The following GRIP2 variants were observed in gnomAD, a reference collection of about 807,000 sequenced individuals.
GRIP2 encodes the protein glutamate receptor interacting protein 2.
GRIP2 carries 58 observed loss-of-function variants against 108.3 expected under a neutral mutation model. The observed-to-expected ratio is 0.54, with a 90% CI of 0.43 to 0.67. The LOEUF (loss-of-function observed/expected upper bound fraction) is 0.67. GRIP2 is among the 30% of genes least tolerant of loss of function. The probability of loss-of-function intolerance (pLI) is 0.00; values close to 1 mark genes in which losing one functional copy is unlikely to be tolerated. For synonymous variants in GRIP2, 586 were observed against 598.2 expected (o/e 0.98, Z 0.30); for missense variants, 1,278 against 1,430.6 (o/e 0.89, Z 1.72).
At chr3:14,540,931 C>T (rs1230876897), upstream of GRIP2, among the ~76,000 whole-genome samples, 1 of 152,200 alleles carries the variant, frequency 6.6e-6, no homozygotes, top group African/African-American at 2.4e-5. This position sits in a 1 kb window ranked among gnomAD's most constrained non-coding sequence, Gnocchi z 4.1. Flanking sequence ...GAAAGATGAA[C>T]CCGGCAGCCT....
At position 14,509,796 on chromosome 3, in the gene GRIP2, C is replaced by A. The variant is rs370108204; in HGVS notation, c.2078+24G>T. 4 of 1,430,754 alleles carry A rather than the reference C, an allele frequency of 2.8e-6. No individual in the cohort carries two copies. The Admixed American group carries it at 8.1e-5, about 29-fold the overall frequency. 88.6% of individuals were successfully genotyped at this position (1,430,754 alleles called of 1,614,324 possible). On this transcript the variant is annotated intron_variant, in intron 17 of 23. Transcript: ENST00000621039. ...TCCTGTGTTCCCTGAGCCCACCATG[C>A]GTCCCCACAGAGCCCCAGTTCACCT...
At position 14,509,925 on chromosome 3, in the gene GRIP2, T is replaced by C; in HGVS notation, c.1973A>G (p.Glu658Gly). 7 of 1,552,694 alleles carry C rather than the reference T, an allele frequency of 4.5e-6. No individual in the cohort carries two copies. Among genetic ancestry groups the C allele is most frequent in the Non-Finnish European group, 6.1e-6 (7 of 1,148,590 alleles). The change falls in exon 17 of 24, where the codon GAG becomes GGG. Residue 658 changes from glutamate (E) to glycine (G), a missense_variant. Coordinates refer to ENST00000621039, the MANE Select transcript of GRIP2 (RefSeq NM_001080423.4). ...CAGGGGACCCCCGTAGCGCTTCAGC[T>C]CCACTGTGTAACTGACGGCACCTGT... ...ETTGAVSYTV[E>G]LKRYGGPLGI... is the part of the protein sequence containing the mutation.
At chr3:14,600,223 T>C in the GRIP2 span, among the ~76,000 whole-genome samples, 1 of 152,152 alleles carries the variant, frequency 6.6e-6, no homozygotes, top group African/African-American at 2.4e-5. Flanking sequence ...ATGCATCAGA[T>C]CATTTCTCCA....
chr3:14,524,269 C>T, intron 4 of GRIP2, 124 bp downstream of exon 4: 1 of 1,148,176 alleles, frequency 8.7e-7, no homozygotes, highest in South Asian at 1.6e-5. Context: ...ATGCTTGTGG[C>T]CAGTCTCCAG....
At chr3:14,518,033 T>C (rs986204414) in intron 9 of GRIP2, 136 bp from the exon 10 acceptor site, 3 of 1,046,512 alleles carry the variant, frequency 2.9e-6, no homozygotes, top group African/African-American at 1.6e-5. Context: ...TCTGCTCACA[T>C]GTCCCGGACG....
chr3:14,524,136 C>T, intron 4 of GRIP2: 1 of 560,760 alleles, frequency 1.8e-6, no homozygotes, highest in Non-Finnish European at 3.2e-6. Flanking sequence ...CTTCCAAAAC[C>T]CTCCCCGCTA....
In GRIP2 at chr3:14,523,654, A is replaced by G. The variant is rs376677264; in HGVS notation, c.448T>C (p.Ser150Pro). 52 of 1,612,364 alleles carry G rather than the reference A, an allele frequency of 3.2e-5. No homozygotes were observed. The African/African-American group carries it at 6.4e-4, about 20-fold the overall frequency. The change falls in exon 5 of 24, where the codon TCC becomes CCC. Residue 150 changes from serine to proline, a missense_variant. Ser to Pro is a moderately conservative substitution (Grantham distance 74). Transcript: ENST00000621039. ...PRIISKTVDV[S>P]LYKEGNSFGF... The stretch of plus-strand genomic sequence containing the variant: ...AAGCTATTGCCCTCCTTGTAGAGGG[A>G]GACGTCCACTGTCTTTGAAATGATC...
intron 11 of GRIP2, among the ~76,000 whole-genome samples, chr3:14,516,114 C>T (rs1007551083): frequency 6.6e-6 from 1 of 152,162 alleles, no homozygotes; most frequent in African/African-American, 2.4e-5. Flanking sequence ...CTCCACATCC[C>T]CCACCTACGA....
chr3:14,523,649 G>C lies in GRIP2; in HGVS notation c.453C>G (p.Leu151=), dbSNP rs1422294445. 1.2e-6 allele frequency: 2 copies of C among 1,612,448 alleles called. No homozygotes were observed. The highest frequency in any genetic ancestry group is 1.7e-6 in the Non-Finnish European group (2 of 1,179,322). The change falls in exon 5 of 24, where the codon CTC becomes CTG. Residue 151 remains leucine, a synonymous_variant. Transcript: ENST00000621039. ...RIISKTVDVS[L]YKEGNSFGFV... ...AGCCAAAGCTATTGCCCTCCTTGTA[G>C]AGGGAGACGTCCACTGTCTTTGAAA... is the stretch of plus-strand genomic sequence containing the variant.
the GRIP2 span, among the ~76,000 whole-genome samples, chr3:14,590,572 T>G: frequency 6.6e-6 from 1 of 152,210 alleles, no homozygotes; most frequent in Non-Finnish European, 1.5e-5. Context: ...GCTGAGCAAA[T>G]GCTCCTAACA....
chr3:14,519,957 G>T, intron 9 of GRIP2, 153 bp downstream of exon 9: 1 of 755,034 alleles, frequency 1.3e-6, no homozygotes, highest in Non-Finnish European at 2.1e-6. Flanking sequence ...CTCAGTTGCT[G>T]CTCTTAATAA....
the GRIP2 span, among the ~76,000 whole-genome samples, chr3:14,600,784 C>T: frequency 1.6e-4 from 24 of 152,144 alleles, no homozygotes; most frequent in African/African-American, 3.4e-4. Context: ...CCTGCCAGCG[C>T]GGGTGGATAC....
chr3:14,496,311 G>A lies in GRIP2; in HGVS notation c.2823+106C>T, dbSNP rs62233584. On this transcript the variant is annotated intron_variant, in intron 22 of 23. Coordinates refer to ENST00000621039, the MANE Select transcript of GRIP2 (RefSeq NM_001080423.4). ...AAACTCAACCCAGTTTTGTGGTGGAGGAGACTAAAGCCCTGAGAGGGGCAG... is the reference window on the plus strand; with the variant it reads ...AAACTCAACCCAGTTTTGTGGTGGAAGAGACTAAAGCCCTGAGAGGGGCAG... The A allele has an allele frequency of 2.9e-3, 2,697 of 942,466 alleles. 5 individuals carry two copies. Among genetic ancestry groups the A allele is most frequent in the Non-Finnish European group, 3.5e-3 (2,297 of 649,858 alleles). 58.4% of individuals were successfully genotyped at this position (942,466 alleles called of 1,614,324 possible). A position where few individuals can be genotyped will look rare whatever the true frequency, so the allele number is the denominator to read the frequency against.
chr3:14,536,027 T>C (rs904023058), intron 1 of GRIP2, among the ~76,000 whole-genome samples: 3 of 152,126 alleles, frequency 2.0e-5, no homozygotes, highest in South Asian at 2.1e-4. Context: ...CCAGCTTCCA[T>C]GGGGAGAGCA....
rs774957021 is a variant in GRIP2 at position 14,494,824 on chromosome 3, G to A, written c.2970+19C>T. ...GAAACAATGCCACCCCCACTATGGA[G>A]CCCCTGCCCCAGCATTACCTGCAGG... On this transcript the variant is annotated intron_variant, in intron 23 of 23. Transcript: ENST00000621039. 26 of 1,606,006 alleles carry A rather than the reference G, an allele frequency of 1.6e-5. No homozygotes were observed. The highest frequency in any genetic ancestry group is 2.1e-5 in the Non-Finnish European group (25 of 1,175,348).
rs778182115 is a variant in GRIP2 at position 14,525,222 on chromosome 3, C to T, written c.257+215G>A. On this transcript the variant is annotated intron_variant, in intron 3 of 23. Transcript: ENST00000621039. Reference sequence around the variant, plus strand: ...GCCTGGTGACTGTGGGGTGCTATGGCCAAGCCCCTGGTGTAAAAGAAAAGA... The same window carrying T: ...GCCTGGTGACTGTGGGGTGCTATGGTCAAGCCCCTGGTGTAAAAGAAAAGA... Among the ~76,000 whole-genome samples, 51 of 152,216 alleles carry T rather than the reference C, an allele frequency of 3.4e-4. 1 individual carries two copies. The highest frequency in any genetic ancestry group is 6.5e-4 in the Admixed American group (10 of 15,296).
At chr3:14,514,026 C>T (rs555635173) in intron 12 of GRIP2, among the ~76,000 whole-genome samples, 67 of 152,372 alleles carry the variant, frequency 4.4e-4, no homozygotes, top group African/African-American at 1.5e-3. Flanking sequence ...GGGATGATGG[C>T]ATGGGCCTTA....
At chr3:14,560,874 G>A (rs1270417429), upstream of GRIP2, among the ~76,000 whole-genome samples, 2 of 152,170 alleles carry the variant, frequency 1.3e-5, no homozygotes, top group Non-Finnish European at 2.9e-5. Context: ...ACACAGCAGG[G>A]GCGCAGCAAG....
At chr3:14,510,911 G>A (rs1694069259) in intron 16 of GRIP2, among the ~76,000 whole-genome samples, 1 of 152,212 alleles carries the variant, frequency 6.6e-6, no homozygotes, top group African/African-American at 2.4e-5. Flanking sequence ...TGCCAGGCTT[G>A]GTGCTAGATG....
Sources: gnomAD v4.1 joint callset for allele counts (sites outside exome capture counted in the v4.1 genomes callset) on GRCh38, gnomAD v4.1.1 for gene constraint, Gnocchi (gnomAD v3.1) non-coding constraint, MANE v1.5 for transcripts, NCBI Gene and HGNC (gene_info 2026-07-23, HGNC 2026-07-21) for gene names.